The following RAB5B variants were observed in gnomAD, a reference collection of about 807,000 sequenced individuals.
RAB5B encodes the protein RAB5B, member RAS oncogene family, also known as ras-related protein Rab-5B.
Under a neutral mutation model 28.6 loss-of-function variants are expected in RAB5B, and 11 were observed. The observed-to-expected ratio is 0.38, with a 90% confidence interval of 0.24 to 0.64. The LOEUF is 0.64. Among genes scored for constraint, RAB5B ranks in the 30% least tolerant of loss-of-function variants. RAB5B has a pLI of 0.53. For missense variants in RAB5B, 169 were observed against 265.6 expected (o/e 0.64, Z 2.53); for synonymous variants, 93 against 97.9 (o/e 0.95, Z 0.29).
chr12:55,979,580 C>T (rs1889742017), intron 1 of RAB5B: 1 of 152,206 alleles, frequency 6.6e-6, no homozygotes, highest in African/African-American at 2.4e-5. Flanking sequence ...CCTATTGCCT[C>T]TCATTGAATT....
intron 1 of RAB5B, among the ~76,000 whole-genome samples, chr12:55,978,685 A>G (rs1349302060): frequency 6.6e-6 from 1 of 152,186 alleles, no homozygotes; most frequent in Non-Finnish European, 1.5e-5. Context: ...ATAAACTCCC[A>G]CTTTTAAAGA....
intron 5 of RAB5B, chr12:55,991,796 G>A (rs902196997): frequency 6.9e-5 from 28 of 407,392 alleles, no homozygotes; most frequent in African/African-American, 1.6e-4. Context: ...GCGTGGTGGC[G>A]CACACCTGTA....
Position 55,990,750 on chromosome 12 carries a change from T to G in RAB5B, c.384T>G (p.Ile128Met). The stretch of plus-strand genomic sequence containing the variant: ...GACAGGCCAGTCCTAGCATCGTTAT[T>G]GCCCTGGCAGGGAACAAAGCTGACC... ...LQRQASPSIV[I>M]ALAGNKADLA... Residue 128 changes from isoleucine (I) to methionine (M), a missense_variant, in exon 4 of 6, where the codon ATT becomes ATG. Around this residue, in one of 3 missense-constraint regions of RAB5B, gnomAD observed 123 missense variants for 162.4 expected, o/e 0.76. Coordinates refer to ENST00000360299, the MANE Select transcript of RAB5B (RefSeq NM_002868.4). The G allele has an allele frequency of 6.2e-7, 1 of 1,614,138 alleles. No homozygotes were observed. Among genetic ancestry groups the G allele is most frequent in the East Asian group, 2.2e-5 (1 of 44,878 alleles).
chr12:55,981,806 CTT>C (rs760479306), intron 1 of RAB5B, among the ~76,000 whole-genome samples: 96 of 140,972 alleles, frequency 6.8e-4, no homozygotes, highest in Admixed American at 9.3e-4. Flanking sequence ...AGCCGTACTT[CTT>C]TTTTTTTTTT....
intron 2 of RAB5B, among the ~76,000 whole-genome samples, chr12:55,987,415 C>T (rs1019205044): frequency 2.0e-5 from 3 of 151,894 alleles, no homozygotes; most frequent in African/African-American, 4.8e-5. Flanking sequence ...CTGCCTGCCT[C>T]GGCCTCCCAA....
intron 2 of RAB5B, 42 bp downstream of exon 2, chr12:55,987,165 G>C (rs1323395162): frequency 3.2e-6 from 5 of 1,550,244 alleles, no homozygotes; most frequent in Admixed American, 1.9e-5. Context: ...GTTTGGTAAG[G>C]GTTTTTTTTT....
chr12:55,992,704 G>A lies in RAB5B; in HGVS notation c.*492G>A, dbSNP rs1312888767. On this transcript the variant is annotated 3_prime_UTR_variant, in exon 6 of 6. Transcript: ENST00000360299. The stretch of plus-strand genomic sequence containing the variant: ...AGTTCATTTACATTAAGGGCCCTGG[G>A]GGAGAATAAAGCTCAGAGCAGGAGG... The A allele has an allele frequency of 2.7e-6, 1 of 371,208 alleles. No individual in the cohort carries two copies. The highest frequency in any genetic ancestry group is 2.2e-5 in the African/African-American group (1 of 45,244). 23.0% of individuals were successfully genotyped at this position (371,208 alleles called of 1,614,324 possible).
Position 55,976,909 on chromosome 12 carries a change from C to T in RAB5B, c.-93+2770C>T, listed in dbSNP as rs1889660854. Among the ~76,000 whole-genome samples the T allele has an allele frequency of 2.0e-5, 3 of 152,180 alleles. No individual in the cohort carries two copies. In the South Asian group the frequency reaches 6.2e-4, roughly 32 times the overall value. On this transcript the variant is annotated intron_variant, in intron 1 of 5. Coordinates refer to ENST00000360299, the MANE Select transcript of RAB5B (RefSeq NM_002868.4). ...GCCTTTGTACAGCGCCCATTGGAAA[C>T]CTCGGTTTTTTCCCCCAAGGAACTT...
At chr12:55,980,303 C>A (rs769163437) in intron 1 of RAB5B, 73 of 752,048 alleles carry the variant, frequency 9.7e-5, no homozygotes, top group Admixed American at 3.4e-4. Context: ...TCTCCTCATT[C>A]TCTTTACCAT....
rs541431069 is a variant in RAB5B at position 55,975,818 on chromosome 12, G to A, written c.-93+1679G>A. 1.4e-4 allele frequency among the ~76,000 whole-genome samples: 18 copies of A among 129,416 alleles called. No homozygotes were observed. In the East Asian group the frequency reaches 3.2e-3, roughly 23 times the overall value. 84.9% of individuals were successfully genotyped at this position (129,416 alleles called of 152,430 possible). A position where few individuals can be genotyped will look rare whatever the true frequency, so the allele number is the denominator to read the frequency against. On this transcript the variant is annotated intron_variant, in intron 1 of 5. Transcript: ENST00000360299. ...TTTTTTTTTTTTTTTTTTTTGAGAC[G>A]GAGTCTCACTGCAACCTCCACCTCC...
chr12:55,991,542 C>T, intron 5 of RAB5B, 89 bp downstream of exon 5: 1 of 1,086,950 alleles, frequency 9.2e-7, no homozygotes, highest in Admixed American at 2.0e-5. Flanking sequence ...GTGCGAGTAT[C>T]TCCTTTTGCA....
chr12:55,985,830 G>C (rs1889937348), intron 1 of RAB5B: 1 of 428,196 alleles, frequency 2.3e-6, no homozygotes. Context: ...CAAGTTGAGA[G>C]TAGGTCAAGC....
intron 1 of RAB5B, among the ~76,000 whole-genome samples, chr12:55,976,578 C>G (rs1889652406): frequency 6.6e-6 from 1 of 152,208 alleles, no homozygotes; most frequent in Non-Finnish European, 1.5e-5. Context: ...TGTTCATGGT[C>G]TCTGCATGTT....
chr12:55,982,709 C>G (rs555281718), intron 1 of RAB5B, among the ~76,000 whole-genome samples: 4 of 152,204 alleles, frequency 2.6e-5, no homozygotes, highest in Non-Finnish European at 2.9e-5. Flanking sequence ...CTGACCACAT[C>G]TGGGCTCTGG....
At position 55,992,876 on chromosome 12, in the gene RAB5B, G is replaced by A. The variant is rs1890177442; in HGVS notation, c.*664G>A. On this transcript the variant is annotated 3_prime_UTR_variant, in exon 6 of 6. Transcript: ENST00000360299. ...GCAAGATCTCAGGCACCAGGCAGGA[G>A]GTGCCTTGTAAGCTAACTGGGCGGA... The A allele has an allele frequency of 3.8e-6, 1 of 263,158 alleles. No homozygotes were observed. The highest frequency in any genetic ancestry group is 2.4e-5 in the African/African-American group (1 of 42,082). 16.3% of individuals were successfully genotyped at this position (263,158 alleles called of 1,614,324 possible).
chr12:55,987,972 TC>T (rs1291811448), intron 2 of RAB5B, among the ~76,000 whole-genome samples: 7 of 149,588 alleles, frequency 4.7e-5, no homozygotes, highest in South Asian at 2.1e-4. Context: ...CAAGGTGAAA[TC>T]CCCGTCTCTA....
In RAB5B at chr12:55,995,935, T is replaced by TTCTCCC. The variant is rs1555197230; in HGVS notation, c.*3728_*3733dup. 7.3e-6 allele frequency: 1 copy of TTCTCCC among 136,948 alleles called. No individual in the cohort carries two copies. The highest frequency in any genetic ancestry group is 1.6e-5 in the Non-Finnish European group (1 of 63,872). The allele number at this position is 136,948 out of a possible 1,614,324, so 8.5% of individuals were successfully genotyped here. On this transcript the variant is annotated 3_prime_UTR_variant, in exon 6 of 6. Transcript: ENST00000360299. Reference sequence around the variant, plus strand: ...GCTCGCTTTCTCTCTCTCTCCCTCTTTCTCCCTCTCTCTCTCTCTCTCACT... The same window carrying TTCTCCC: ...GCTCGCTTTCTCTCTCTCTCCCTCTTTCTCCCTCTCCCTCTCTCTCTCTCTCTCACT...
Position 55,991,996 on chromosome 12 carries a change from C to T in RAB5B, c.533-101C>T, listed in dbSNP as rs1015117001. 1.0e-5 allele frequency: 8 copies of T among 781,200 alleles called. No individual in the cohort carries two copies. The African/African-American group carries it at 1.2e-4, about 12-fold the overall frequency. The allele number at this position is 781,200 out of a possible 1,614,324, so 48.4% of individuals were successfully genotyped here. ...GAACATTCTTTTAATCTCTCAAATT[C>T]TCCCTTTTCCCCAATTCAGTAGCCG... On this transcript the variant is annotated intron_variant, in intron 5 of 5. Coordinates refer to ENST00000360299, the MANE Select transcript of RAB5B (RefSeq NM_002868.4).
chr12:55,996,003 A>ATATATATATATATTTTTTT lies in RAB5B; in HGVS notation c.*3792_*3793insATATATATATATTTTTTTT. Reference sequence around the variant, plus strand: ...TATATACATATATATATATATATATATTTTTTTTTTAACAACTGGTAGGAT... The same window carrying ATATATATATATATTTTTTT: ...TATATACATATATATATATATATATATATATATATATATTTTTTTTTTTTTTTTTAACAACTGGTAGGAT... On this transcript the variant is annotated 3_prime_UTR_variant, in exon 6 of 6. Transcript: ENST00000360299. 2.2e-4 allele frequency: 21 copies of ATATATATATATATTTTTTT among 97,390 alleles called. No homozygotes were observed. The highest frequency in any genetic ancestry group is 3.0e-4 in the Non-Finnish European group (15 of 50,470). The allele number at this position is 97,390 out of a possible 1,614,324, so 6.0% of individuals were successfully genotyped here. A position where few individuals can be genotyped will look rare whatever the true frequency, so the allele number is the denominator to read the frequency against.
Sources: gnomAD v4.1 joint callset for allele counts (sites outside exome capture counted in the v4.1 genomes callset) on GRCh38, gnomAD v4.1.1 for gene constraint, gnomAD v4.1.1 regional missense constraint, MANE v1.5 for transcripts, NCBI Gene and HGNC (gene_info 2026-07-23, HGNC 2026-07-21) for gene names.